The following SYT16 variants were observed in gnomAD, a reference collection of about 807,000 sequenced individuals.
SYT16 encodes the protein synaptotagmin-16.
SYT16 carries 42 observed loss-of-function variants against 61.4 expected under a neutral mutation model. The ratio of observed to expected loss-of-function variants is 0.68; its 90% CI spans 0.53 to 0.89. SYT16 has a LOEUF of 0.89. SYT16 is among the 40% of genes least tolerant of loss of function. SYT16 has a pLI of 0.00. For synonymous variants in SYT16, 314 were observed against 302.3 expected, an observed-to-expected ratio of 1.04 and a Z score of -0.40; for missense variants, 804 against 807.3, an observed-to-expected ratio of 1.00 and a Z score of 0.05.
chr14:62,029,729 A>G (rs2054239961), intron 3 of SYT16, among the ~76,000 whole-genome samples: 1 of 151,946 alleles, frequency 6.6e-6, no homozygotes, highest in Non-Finnish European at 1.5e-5. Flanking sequence ...GAATCCAGTC[A>G]ATAGTTCTGT....
chr14:62,103,972 G>A lies in SYT16; in HGVS notation c.*3265G>A, dbSNP rs1490114368. ...GAAACACAGCTTCTGCCTTTTCAAT[G>A]TGTAGATTTCATGATATTTTACAAA... On this transcript the variant is annotated 3_prime_UTR_variant, in exon 8 of 8. Transcript: ENST00000683842. 1.3e-5 allele frequency: 2 copies of A among 152,176 alleles called. No homozygotes were observed. Among genetic ancestry groups the A allele is most frequent in the African/African-American group, 2.4e-5 (1 of 41,446 alleles). The allele number at this position is 152,176 out of a possible 1,614,324, so 9.4% of individuals were successfully genotyped here. A position where few individuals can be genotyped will look rare whatever the true frequency, so the allele number is the denominator to read the frequency against.
chr14:61,834,519 C>T (rs1361692441), intron 1 of SYT16, among the ~76,000 whole-genome samples: 1 of 141,158 alleles, frequency 7.1e-6, no homozygotes, highest in Middle Eastern at 3.5e-3. Context: ...CTCACTGCAA[C>T]CTCTGCCTCC....
intron 2 of SYT16, among the ~76,000 whole-genome samples, chr14:61,971,905 G>C (rs1452557065): frequency 6.6e-6 from 1 of 152,234 alleles, no homozygotes; most frequent in Non-Finnish European, 1.5e-5. Context: ...TGTCCCAGCT[G>C]GGGCATAGGT....
chr14:62,110,147 G>A lies in SYT16; in HGVS notation c.*9440G>A, dbSNP rs1447367859. 3 of 152,144 alleles carry A rather than the reference G, an allele frequency of 2.0e-5. No individual in the cohort carries two copies. The highest frequency in any genetic ancestry group is 2.1e-4 in the South Asian group (1 of 4,826). 9.4% of individuals were successfully genotyped at this position (152,144 alleles called of 1,614,324 possible). ...CAGAACCTGGCATTATTGCAGAGAT[G>A]AAGGTATAGTTGTATAAAGAATATT... On this transcript the variant is annotated 3_prime_UTR_variant, in exon 8 of 8. Coordinates refer to ENST00000683842, the MANE Select transcript of SYT16 (RefSeq NM_001367656.1).
chr14:62,078,154 T>G (rs2056570338), intron 5 of SYT16, among the ~76,000 whole-genome samples: 1 of 114,430 alleles, frequency 8.7e-6, no homozygotes, highest in African/African-American at 4.3e-5. Flanking sequence ...TCTCTCTCTC[T>G]CTATATATAT....
intron 1 of SYT16, among the ~76,000 whole-genome samples, chr14:61,962,979 G>A (rs1365588735): frequency 6.6e-6 from 1 of 152,050 alleles, no homozygotes; most frequent in Non-Finnish European, 1.5e-5. Context: ...TATTTGTCAA[G>A]CAGTTTATGT....
At chr14:61,836,888 T>C (rs143937977) in intron 1 of SYT16, among the ~76,000 whole-genome samples, 1,586 of 152,332 alleles carry the variant, frequency 0.01, 31 homozygotes, top group African/African-American at 0.036. Context: ...TAGGTTTTTA[T>C]TTTCTGTCAT....
At chr14:62,083,397 G>C (rs982017212) in intron 6 of SYT16, among the ~76,000 whole-genome samples, 3 of 152,136 alleles carry the variant, frequency 2.0e-5, no homozygotes, top group African/African-American at 7.2e-5. Context: ...TCCTACTCCC[G>C]TGCCTTGAGG....
rs568760911 is a variant in SYT16 at position 61,901,850 on chromosome 14, C to T, written c.-324-68282C>T. Among the ~76,000 whole-genome samples the T allele has an allele frequency of 3.5e-4, 53 of 151,904 alleles. No homozygotes were observed. The South Asian group carries it at 8.1e-3, about 23-fold the overall frequency. ...AATCTTGGCTCACTGCAACCTCCAC[C>T]TCCTGGGTTCAAGCGATTCTCCTGT... On this transcript the variant is annotated intron_variant, in intron 1 of 7. Coordinates refer to ENST00000683842, the MANE Select transcript of SYT16 (RefSeq NM_001367656.1).
chr14:61,901,352 A>G (rs2048508394), intron 1 of SYT16, among the ~76,000 whole-genome samples: 1 of 152,172 alleles, frequency 6.6e-6, no homozygotes, highest in South Asian at 2.1e-4. Flanking sequence ...ATTACTTTCT[A>G]TATATTCACT....
At chr14:61,822,680 G>A (rs2045653267) in intron 1 of SYT16, among the ~76,000 whole-genome samples, 1 of 152,204 alleles carries the variant, frequency 6.6e-6, no homozygotes, top group African/African-American at 2.4e-5. Flanking sequence ...GGCTGCTGTG[G>A]TGAGCTCTGA....
chr14:61,911,667 A>G (rs991562624), intron 1 of SYT16, among the ~76,000 whole-genome samples: 10 of 152,214 alleles, frequency 6.6e-5, no homozygotes, highest in Admixed American at 6.5e-4. Context: ...GGTTCATTTA[A>G]CCATAACAAA....
At chr14:62,099,742 A>G (rs1351647638) in intron 7 of SYT16, among the ~76,000 whole-genome samples, 2 of 152,082 alleles carry the variant, frequency 1.3e-5, no homozygotes, top group African/African-American at 2.4e-5. Flanking sequence ...GCTGGGCATG[A>G]TGGTGCATGC....
chr14:62,016,904 A>G (rs917242677), intron 3 of SYT16, among the ~76,000 whole-genome samples: 2 of 152,148 alleles, frequency 1.3e-5, no homozygotes, highest in African/African-American at 2.4e-5. Context: ...ATTATTACTC[A>G]TCCCTGTATC....
chr14:61,833,574 C>T (rs757594727), intron 1 of SYT16, among the ~76,000 whole-genome samples: 5 of 151,842 alleles, frequency 3.3e-5, no homozygotes, highest in East Asian at 1.9e-4. Flanking sequence ...CGTGAGCCAC[C>T]GTGCTTGGCC....
At chr14:61,901,101 G>C (rs1372495369) in intron 1 of SYT16, among the ~76,000 whole-genome samples, 1 of 152,156 alleles carries the variant, frequency 6.6e-6, no homozygotes. Context: ...CCACCTTCAG[G>C]CTTCCTCAGT....
intron 3 of SYT16, among the ~76,000 whole-genome samples, chr14:62,017,956 T>A (rs977709424): frequency 6.6e-6 from 1 of 152,098 alleles, no homozygotes; most frequent in Non-Finnish European, 1.5e-5. Flanking sequence ...CCTGAAGCAA[T>A]CCTCTGGCTT....
chr14:61,996,627 G>A, intron 3 of SYT16, 85 bp downstream of exon 3: 5 of 1,481,744 alleles, frequency 3.4e-6, no homozygotes, highest in Non-Finnish European at 4.5e-6. Context: ...TAGTTATCAT[G>A]TGGATTTTAT....
At chr14:62,075,530 G>C (rs2056457471) in intron 5 of SYT16, 139 bp downstream of exon 5, 1 of 937,278 alleles carries the variant, frequency 1.1e-6, no homozygotes, top group African/African-American at 1.8e-5. Flanking sequence ...TTTTTGTCCA[G>C]ATGACCAAAA....
Sources: gnomAD v4.1 joint callset for allele counts (sites outside exome capture counted in the v4.1 genomes callset) on GRCh38, gnomAD v4.1.1 for gene constraint, MANE v1.5 for transcripts, NCBI Gene and HGNC (gene_info 2026-07-23, HGNC 2026-07-21) for gene names.